The following TUBGCP4 variants were observed in gnomAD, a reference collection of about 807,000 sequenced individuals.
The protein encoded by TUBGCP4 is gamma-tubulin complex component 4.
A neutral mutation model predicts 91.6 loss-of-function variants in TUBGCP4; 54 were observed. That is an observed-to-expected ratio of 0.59 (90% CI 0.47 to 0.74). The LOEUF (loss-of-function observed/expected upper bound fraction) is 0.74. TUBGCP4 is among the 30% of genes least tolerant of loss of function. The probability of loss-of-function intolerance (pLI) is 0.00; values close to 1 mark genes in which losing one functional copy is unlikely to be tolerated. For missense variants in TUBGCP4, 593 were observed against 800.9 expected, an observed-to-expected ratio of 0.74 and a Z score of 3.13; for synonymous variants, 297 against 302.8, an observed-to-expected ratio of 0.98 and a Z score of 0.20.
chr15:43,372,506 T>G (rs2044139135), intron 1 of TUBGCP4, among the ~76,000 whole-genome samples: 1 of 152,102 alleles, frequency 6.6e-6, no homozygotes, highest in Non-Finnish European at 1.5e-5. Context: ...GATGTTTCAC[T>G]TTTCTCCATA....
chr15:43,398,615 G>C (rs2044620127), intron 13 of TUBGCP4, among the ~76,000 whole-genome samples: 1 of 152,108 alleles, frequency 6.6e-6, no homozygotes, highest in Non-Finnish European at 1.5e-5. Flanking sequence ...GCCAGTTTGT[G>C]AGCTCTGGAA....
intron 5 of TUBGCP4, among the ~76,000 whole-genome samples, chr15:43,378,600 A>G (rs910124190): frequency 6.6e-6 from 1 of 152,210 alleles, no homozygotes; most frequent in Non-Finnish European, 1.5e-5. Flanking sequence ...AAACCAGTTA[A>G]TCTGCCACAT....
chr15:43,390,900 G>A (rs1015959694), intron 9 of TUBGCP4, among the ~76,000 whole-genome samples: 2 of 152,000 alleles, frequency 1.3e-5, no homozygotes, highest in Admixed American at 1.3e-4. Context: ...TCACTGCAGC[G>A]CGATCTCCAG....
At chr15:43,405,072 G>A in intron 17 of TUBGCP4, 130 bp from the exon 18 acceptor site, 1 of 1,029,352 alleles carries the variant, frequency 9.7e-7, no homozygotes, top group Admixed American at 2.3e-5. Flanking sequence ...TATTGTAGCA[G>A]AAGAGTCAAA....
At chr15:43,387,939 C>T (rs1188293682) in intron 9 of TUBGCP4, among the ~76,000 whole-genome samples, 1 of 152,110 alleles carries the variant, frequency 6.6e-6, no homozygotes, top group African/African-American at 2.4e-5. Context: ...AACTCCGCCT[C>T]CCGGGTTGAA....
intron 13 of TUBGCP4, chr15:43,398,406 G>A (rs2044616976): frequency 2.6e-6 from 1 of 378,290 alleles, no homozygotes; most frequent in Admixed American, 4.1e-5. Context: ...AAAATTAATG[G>A]GAGCAAGAGA....
chr15:43,376,052 G>A, intron 1 of TUBGCP4, 46 bp from the exon 2 acceptor site: 1 of 1,605,100 alleles, frequency 6.2e-7, no homozygotes, highest in African/African-American at 1.3e-5. Context: ...CCTGAAAGTT[G>A]GGGCAGCGAC....
rs201432405 is a variant in TUBGCP4, at chr15:43,382,229, GA to G, written c.522-1067del. Among the ~76,000 whole-genome samples, 233 of 119,586 alleles carry G rather than the reference GA, an allele frequency of 1.9e-3. 1 individual carries two copies. The highest frequency in any genetic ancestry group is 8.3e-3 in the African/African-American group (171 of 20,704). 78.5% of individuals were successfully genotyped at this position (119,586 alleles called of 152,430 possible). A position where few individuals can be genotyped will look rare whatever the true frequency, so the allele number is the denominator to read the frequency against. On this transcript the variant is annotated intron_variant, in intron 6 of 17. Coordinates refer to ENST00000564079, the MANE Select transcript of TUBGCP4 (RefSeq NM_014444.5). ...CCTGTCTCAAAAAAAAAAGAAAAAA[GA>G]AAAAAAGAAAAATAAAAGAAAAAGG...
At chr15:43,390,515 C>CTTTTTTTTTTTTT (rs201543896) in intron 9 of TUBGCP4, among the ~76,000 whole-genome samples, 1 of 137,040 alleles carries the variant, frequency 7.3e-6, no homozygotes, top group Non-Finnish European at 1.6e-5. Flanking sequence ...TTTCTTTTTT[C>CTTTTTTTTTTTTT]TTTTTTTTTT....
intron 1 of TUBGCP4, among the ~76,000 whole-genome samples, chr15:43,373,382 A>G (rs1444969740): frequency 1.3e-5 from 2 of 152,214 alleles, no homozygotes; most frequent in Non-Finnish European, 2.9e-5. Context: ...TCAAATGCCA[A>G]TTTTAATAGT....
intron 7 of TUBGCP4, chr15:43,385,397 G>A (rs569973916): frequency 2.2e-6 from 1 of 458,872 alleles, no homozygotes; most frequent in South Asian, 1.5e-5. Flanking sequence ...TGTATAGGAA[G>A]TGTAGGCTGA....
chr15:43,395,214 TC>T (rs1171474372), intron 10 of TUBGCP4, 57 bp downstream of exon 10: 11 of 1,589,712 alleles, frequency 6.9e-6, no homozygotes, highest in Non-Finnish European at 7.8e-6. Context: ...TGACTTGCAT[TC>T]TCTGATGTTT....
chr15:43,376,979 G>T (rs372492554), intron 3 of TUBGCP4, 35 bp from the exon 4 acceptor site: 13 of 1,542,464 alleles, frequency 8.4e-6, no homozygotes, highest in South Asian at 3.4e-5. Context: ...GAGATATTTT[G>T]TGTGGAGCTC....
At position 43,386,261 on chromosome 15, in the gene TUBGCP4, G is replaced by T; in HGVS notation, c.945G>T (p.Lys315Asn). ...TTGCTGCAGAGCTGCACCGTCTCAAGCAGCAGCCACTCTTCAGCTTGGTGG... is the reference window on the plus strand; with the variant it reads ...TTGCTGCAGAGCTGCACCGTCTCAATCAGCAGCCACTCTTCAGCTTGGTGG... ...DTFAAELHRL[K>N]QQPLFSLVDF... Residue 315 changes from lysine (K) to asparagine (N), a missense_variant, in exon 9 of 18, where the codon AAG becomes AAT. Coordinates refer to ENST00000564079, the MANE Select transcript of TUBGCP4 (RefSeq NM_014444.5). 1 of 1,597,670 alleles carries T rather than the reference G, an allele frequency of 6.3e-7. No homozygotes were observed. The highest frequency in any genetic ancestry group is 8.5e-7 in the Non-Finnish European group (1 of 1,173,928).
In TUBGCP4 at chr15:43,385,875, G is replaced by C; in HGVS notation, c.808G>C (p.Val270Leu). Reference sequence around the variant, plus strand: ...GGAGATTTTGCCATCCTACATTCCAGTGAGGGTTGCTGAAAAAATCCTATT... The same window carrying C: ...GGAGATTTTGCCATCCTACATTCCACTGAGGGTTGCTGAAAAAATCCTATT... The part of the protein sequence containing the change: ...RVEILPSYIP[V>L]RVAEKILFVG... Residue 270 changes from valine (V) to leucine (L), a missense_variant, in exon 8 of 18, where the codon GTG becomes CTG. Transcript: ENST00000564079. The C allele has an allele frequency of 3.7e-6, 6 of 1,614,086 alleles. No individual in the cohort carries two copies. The highest frequency in any genetic ancestry group is 5.1e-6 in the Non-Finnish European group (6 of 1,180,014).
At chr15:43,383,935 G>T (rs1245577673) in intron 7 of TUBGCP4, among the ~76,000 whole-genome samples, 2 of 152,082 alleles carry the variant, frequency 1.3e-5, no homozygotes, top group Non-Finnish European at 2.9e-5. Flanking sequence ...CAAGTACCTG[G>T]AACCAGGCAT....
Position 43,371,140 on chromosome 15 carries a change from C to T in TUBGCP4, c.-215C>T, listed in dbSNP as rs543207317. 6 of 610,730 alleles carry T rather than the reference C, an allele frequency of 9.8e-6. No homozygotes were observed. Among genetic ancestry groups the T allele is most frequent in the Non-Finnish European group, 1.2e-5 (4 of 340,048 alleles). 37.8% of individuals were successfully genotyped at this position (610,730 alleles called of 1,614,324 possible). On this transcript the variant is annotated 5_prime_UTR_variant, in exon 1 of 18. Coordinates refer to ENST00000564079, the MANE Select transcript of TUBGCP4 (RefSeq NM_014444.5). ...CCGGGCGGGAGTAGCTGGTGGACCC[C>T]GTTGAGCTGCCGAACTTCCGGGACT...
intron 6 of TUBGCP4, among the ~76,000 whole-genome samples, chr15:43,381,280 A>G (rs901654152): frequency 6.6e-6 from 1 of 152,244 alleles, no homozygotes; most frequent in African/African-American, 2.4e-5. Context: ...TACAGACCAC[A>G]TACTCAGAAA....
intron 7 of TUBGCP4, chr15:43,385,484 A>T (rs1194240772): frequency 2.1e-6 from 1 of 473,150 alleles, no homozygotes; most frequent in African/African-American, 2.0e-5. Flanking sequence ...GGAAAACAAA[A>T]AAGACCACCT....
Sources: gnomAD v4.1 joint callset for allele counts (sites outside exome capture counted in the v4.1 genomes callset) on GRCh38, gnomAD v4.1.1 for gene constraint, MANE v1.5 for transcripts, NCBI Gene and HGNC (gene_info 2026-07-23, HGNC 2026-07-21) for gene names.